GABRB1: variants seen among roughly 807,000 people sequenced by gnomAD.
GABRB1 encodes gamma-aminobutyric acid receptor subunit beta-1.
GABRB1 carries 17 observed loss-of-function variants against 51.6 expected under a neutral mutation model. The ratio of observed to expected loss-of-function variants is 0.33; its 90% CI spans 0.23 to 0.49. The LOEUF is 0.49. GABRB1 is among the 20% of genes least tolerant of loss of function. The pLI is 0.99. For synonymous variants in GABRB1, 247 were observed against 218.9 expected (o/e 1.13, Z -1.14); for missense variants, 410 against 600.6 (o/e 0.68, Z 3.32).
chr4:47,170,022 C>T (rs892345895), intron 4 of GABRB1, among the ~76,000 whole-genome samples: 2 of 152,058 alleles, frequency 1.3e-5, no homozygotes, highest in South Asian at 2.1e-4. Flanking sequence ...AAAATGTATA[C>T]AATTTTTTTG....
chr4:47,314,362 A>T (rs962353775), intron 4 of GABRB1, among the ~76,000 whole-genome samples: 4 of 152,056 alleles, frequency 2.6e-5, no homozygotes, highest in African/African-American at 9.7e-5. Context: ...TATTTTGTAG[A>T]CAATGCTAAA....
intron 1 of GABRB1, among the ~76,000 whole-genome samples, chr4:47,024,174 G>T (rs1008823886): frequency 1.3e-5 from 2 of 151,638 alleles, no homozygotes; most frequent in Non-Finnish European, 2.9e-5. Flanking sequence ...TGTTCTTCTT[G>T]TTGTGTACTC....
intron 4 of GABRB1, among the ~76,000 whole-genome samples, chr4:47,225,823 CT>C (rs1720927604): frequency 6.6e-6 from 1 of 152,138 alleles, no homozygotes; most frequent in Non-Finnish European, 1.5e-5. Flanking sequence ...TTGTTTTACC[CT>C]TCCACAGAAA....
chr4:47,272,458 T>C (rs999094297), intron 4 of GABRB1, among the ~76,000 whole-genome samples: 4 of 152,180 alleles, frequency 2.6e-5, no homozygotes, highest in Non-Finnish European at 5.9e-5. Flanking sequence ...AAGTTCAAGA[T>C]AAGAATTCTA....
intron 4 of GABRB1, among the ~76,000 whole-genome samples, chr4:47,174,598 C>A (rs1030402759): frequency 6.9e-6 from 1 of 144,604 alleles, no homozygotes; most frequent in African/African-American, 2.5e-5. Context: ...TGGTCCCCAA[C>A]TTATAATCAT....
Position 47,122,567 on chromosome 4 carries a change from G to A in GABRB1, c.241-38682G>A, listed in dbSNP as rs374951983. ...CTCTCATGGTAAAATAAGGAAAGAT[G>A]TTAGAAAACTTAAGACACTGAGAGG... is the stretch of plus-strand genomic sequence containing the variant. On this transcript the variant is annotated intron_variant, in intron 3 of 8. Transcript: ENST00000295454. Among the ~76,000 whole-genome samples the A allele has an allele frequency of 4.3e-4, 66 of 152,300 alleles. 1 individual carries two copies. Among genetic ancestry groups the A allele is most frequent in the African/African-American group, 1.4e-3 (59 of 41,562 alleles).
intron 1 of GABRB1, among the ~76,000 whole-genome samples, chr4:47,021,164 A>G (rs1724919588): frequency 6.6e-6 from 1 of 152,094 alleles, no homozygotes; most frequent in African/African-American, 2.4e-5. Flanking sequence ...TCCTATCACT[A>G]TCTAAACGTA....
At chr4:47,358,514 A>T (rs1022338085) in intron 5 of GABRB1, among the ~76,000 whole-genome samples, 1 of 152,110 alleles carries the variant, frequency 6.6e-6, no homozygotes, top group Admixed American at 6.6e-5. Flanking sequence ...ACCAGGCCAG[A>T]GACCCAGGGA....
chr4:47,019,859 C>T (rs1012373391), intron 1 of GABRB1, among the ~76,000 whole-genome samples: 1 of 143,312 alleles, frequency 7.0e-6, no homozygotes, highest in Non-Finnish European at 1.5e-5. Flanking sequence ...GCACATGCCA[C>T]CACCCTGGCT....
rs570265288 is a variant in GABRB1, at chr4:47,018,873, G to A, written c.-19-13041G>A. Among the ~76,000 whole-genome samples, 10 of 152,192 alleles carry A rather than the reference G, an allele frequency of 6.6e-5. 1 individual carries two copies. Among genetic ancestry groups the A allele is most frequent in the South Asian group, 4.2e-4 (2 of 4,814 alleles). ...GAATGGCAGAGGTGGAAGAAAATCC[G>A]CGTATAAGTGGACCCATGCAATACA... On this transcript the variant is annotated intron_variant, in intron 1 of 3. Coordinates refer to the GABRB1 transcript ENST00000513567.
At chr4:47,216,041 A>G (rs1720545527) in intron 4 of GABRB1, among the ~76,000 whole-genome samples, 1 of 152,046 alleles carries the variant, frequency 6.6e-6, no homozygotes, top group Non-Finnish European at 1.5e-5. Context: ...TACATTAATT[A>G]CAAAGAATAA....
At chr4:47,268,846 C>T (rs1722744667) in intron 4 of GABRB1, among the ~76,000 whole-genome samples, 1 of 152,090 alleles carries the variant, frequency 6.6e-6, no homozygotes, top group Non-Finnish European at 1.5e-5. Flanking sequence ...AGGGAGGATA[C>T]ACTTTGCACT....
chr4:47,425,400 C>T (rs906143644), intron 8 of GABRB1, among the ~76,000 whole-genome samples: 20 of 151,656 alleles, frequency 1.3e-4, no homozygotes, highest in East Asian at 7.8e-4. Flanking sequence ...CACACACACA[C>T]ACACACACAC....
At chr4:47,308,898 T>C (rs554261030) in intron 4 of GABRB1, among the ~76,000 whole-genome samples, 1 of 152,226 alleles carries the variant, frequency 6.6e-6, no homozygotes, top group East Asian at 1.9e-4. Flanking sequence ...CACTTGTTCT[T>C]AGCCAAAAGA....
At chr4:47,409,088 G>A (rs930509584) in intron 8 of GABRB1, among the ~76,000 whole-genome samples, 1 of 152,204 alleles carries the variant, frequency 6.6e-6, no homozygotes, top group Non-Finnish European at 1.5e-5. Flanking sequence ...ATGGGAGGGG[G>A]AGCATGCAGA....
chr4:47,191,856 G>A (rs568329423), intron 4 of GABRB1, among the ~76,000 whole-genome samples: 122 of 152,062 alleles, frequency 8.0e-4, no homozygotes, highest in African/African-American at 2.9e-3. Flanking sequence ...AATCAAATTA[G>A]TAGAAAAACT....
intron 3 of GABRB1, among the ~76,000 whole-genome samples, chr4:47,047,884 G>A (rs1041980861): frequency 2.6e-5 from 4 of 152,032 alleles, no homozygotes; most frequent in Admixed American, 6.6e-5. Flanking sequence ...AGTTTAAATT[G>A]GACATAAGGA....
At position 47,233,010 on chromosome 4, in the gene GABRB1, G is replaced by A. The variant is rs558188905; in HGVS notation, c.461+71541G>A. 3.3e-5 allele frequency among the ~76,000 whole-genome samples: 5 copies of A among 152,092 alleles called. No homozygotes were observed. The Middle Eastern group carries it at 0.01, about 310-fold the overall frequency. On this transcript the variant is annotated intron_variant, in intron 4 of 8. Coordinates refer to ENST00000295454, the MANE Select transcript of GABRB1 (RefSeq NM_000812.4). Reference sequence around the variant, plus strand: ...CTGCCTCAGCCTCCGGAGTAGCTGGGACTACAGGTGCACACTGCCATGCCC... The same window carrying A: ...CTGCCTCAGCCTCCGGAGTAGCTGGAACTACAGGTGCACACTGCCATGCCC...
At chr4:47,337,808 TAAAAAAAAAAAAAAAA>T (rs1170540924) in intron 5 of GABRB1, among the ~76,000 whole-genome samples, 1 of 84,486 alleles carries the variant, frequency 1.2e-5, no homozygotes, top group Non-Finnish European at 2.2e-5. Flanking sequence ...AGACTCTGTC[TAAAAAAAAAAAAAAAA>T]AAAAAAAAAG....
Sources: gnomAD v4.1 joint callset for allele counts (sites outside exome capture counted in the v4.1 genomes callset) on GRCh38, gnomAD v4.1.1 for gene constraint, MANE v1.5 for transcripts, NCBI Gene and HGNC (gene_info 2026-07-23, HGNC 2026-07-21) for gene names.